Variants in CDK11B observed in about 807,000 individuals in gnomAD.
The protein encoded by CDK11B is cyclin dependent kinase 11B.
A neutral mutation model predicts 84.0 loss-of-function variants in CDK11B; 37 were observed. That is an observed-to-expected ratio of 0.44 (90% confidence interval 0.34 to 0.58). The LOEUF is 0.58. CDK11B is among the 20% of genes least tolerant of loss of function. The probability of loss-of-function intolerance (pLI) is 0.02; values close to 1 mark genes in which losing one functional copy is unlikely to be tolerated. For synonymous variants in CDK11B, 269 were observed against 309.8 expected (o/e 0.87, Z 1.38); for missense variants, 427 against 834.0 (o/e 0.51, Z 6.01).
At position 1,636,732 on chromosome 1, in the gene CDK11B, G is replaced by A. The variant is rs1445209438; in HGVS notation, c.1867C>T (p.Pro623Ser). Reference protein sequence around the residue: ...CIFGELLTQKPLFPGKSEIDQ... With the variant: ...CIFGELLTQKSLFPGKSEIDQ... Reference sequence around the variant, plus strand: ...ATTTCTGACTTCCCGGGGAACAGAGGCTTCTGAGTCAGCAGCTCCCCGAAG... The same window carrying A: ...ATTTCTGACTTCCCGGGGAACAGAGACTTCTGAGTCAGCAGCTCCCCGAAG... Residue 623 changes from proline (P) to serine (S), a missense_variant, in exon 17 of 20, where the codon CCT becomes TCT. Pro to Ser is a moderately conservative substitution (Grantham distance 74). Coordinates refer to ENST00000341832, the MANE Select transcript of CDK11B (RefSeq NM_033486.3). 3 of 1,613,968 alleles carry A rather than the reference G, an allele frequency of 1.9e-6. No individual in the cohort carries two copies. The highest frequency in any genetic ancestry group is 2.5e-6 in the Non-Finnish European group (3 of 1,179,862).
intron 5 of CDK11B, chr1:1,646,017 A>T (rs767080072): frequency 2.1e-6 from 1 of 485,624 alleles, no homozygotes; most frequent in South Asian, 1.5e-5. Context: ...TTTTGTAGAG[A>T]CAGGGTTTCA....
intron 1 of CDK11B, among the ~76,000 whole-genome samples, chr1:1,657,887 A>G (rs1345225954): frequency 7.1e-6 from 1 of 140,530 alleles, no homozygotes; most frequent in Non-Finnish European, 1.5e-5. Context: ...CCTAGATAAC[A>G]AAGTAAGACT....
At chr1:1,658,033 G>C (rs2101048907) in intron 1 of CDK11B, among the ~76,000 whole-genome samples, 1 of 149,728 alleles carries the variant, frequency 6.7e-6, no homozygotes, top group South Asian at 2.1e-4. Flanking sequence ...ACTTAGCTGG[G>C]CGTGGTGGCG....
Position 1,655,322 on chromosome 1 carries a change from C to A in CDK11B, c.227+47G>T, listed in dbSNP as rs377477067. 9.0e-5 allele frequency: 144 copies of A among 1,598,376 alleles called. No homozygotes were observed. The African/African-American group carries it at 1.8e-3, about 20-fold the overall frequency. On this transcript the variant is annotated intron_variant, in intron 3 of 19. Coordinates refer to ENST00000341832, the MANE Select transcript of CDK11B (RefSeq NM_033486.3). Reference sequence around the variant, plus strand: ...GCGACCCTAGGAAGGACCGGCCAGGCCAGGGCTGTGTACAGCTGGGTCTTG... The same window carrying A: ...GCGACCCTAGGAAGGACCGGCCAGGACAGGGCTGTGTACAGCTGGGTCTTG...
intron 5 of CDK11B, among the ~76,000 whole-genome samples, chr1:1,649,015 C>T (rs1034426447): frequency 6.6e-6 from 1 of 152,174 alleles, no homozygotes; most frequent in African/African-American, 2.4e-5. Flanking sequence ...AGTGAAAACT[C>T]ACTCCCTCAG....
chr1:1,637,715 C>A (rs776468202), intron 13 of CDK11B, 47 bp downstream of exon 13: 1 of 1,613,570 alleles, frequency 6.2e-7, no homozygotes, highest in Non-Finnish European at 8.5e-7. Flanking sequence ...GGGGCCCTGT[C>A]AGAAAAGCCT....
In CDK11B at chr1:1,636,723, G is replaced by A. The variant is rs867526990; in HGVS notation, c.1876C>T (p.Pro626Ser). ...GELLTQKPLF[P>S]GKSEIDQINK... ...ATCTGATCGATTTCTGACTTCCCGG[G>A]GAACAGAGGCTTCTGAGTCAGCAGC... Residue 626 changes from proline (P) to serine (S), a missense_variant, in exon 17 of 20, where the codon CCC becomes TCC. Transcript: ENST00000341832. 6.2e-7 allele frequency: 1 copy of A among 1,613,988 alleles called. No individual in the cohort carries two copies. The highest frequency in any genetic ancestry group is 8.5e-7 in the Non-Finnish European group (1 of 1,179,876).
In CDK11B at chr1:1,645,180, CCTT is replaced by C; in HGVS notation, c.574_576del (p.Lys192del). 2 of 796,500 alleles carry C rather than the reference CCTT, an allele frequency of 2.5e-6. No homozygotes were observed. The highest frequency in any genetic ancestry group is 1.4e-5 in the South Asian group (1 of 69,500). The allele number at this position is 796,500 out of a possible 1,614,324, so 49.3% of individuals were successfully genotyped here. On this transcript the variant is annotated inframe_deletion, in exon 6 of 20. Coordinates refer to ENST00000341832, the MANE Select transcript of CDK11B (RefSeq NM_033486.3). ...CGCTCCTCTGCCCGCCGCTCGCGCTCCTTCTGCTCCCGCTGCTCCTTCTGCTGC... is the reference window on the plus strand; with the variant it reads ...CGCTCCTCTGCCCGCCGCTCGCGCTCCTGCTCCCGCTGCTCCTTCTGCTGC...
chr1:1,636,788 G>C lies in CDK11B; in HGVS notation c.1811C>G (p.Thr604Arg). 3 of 1,613,904 alleles carry C rather than the reference G, an allele frequency of 1.9e-6. No homozygotes were observed. The highest frequency in any genetic ancestry group is 2.5e-6 in the Non-Finnish European group (3 of 1,179,864). ...ACCCACTGACCACATGTCCACGGCC[G>C]TGGAGTATTCCTAAGAGGTCAGGAG... ...ELLLGAKEYS[T>R]AVDMWSVGCI... Residue 604 changes from threonine (T) to arginine (R), a missense_variant, in exon 17 of 20, where the codon ACG becomes AGG. Physicochemically the swap from Thr to Arg is moderately conservative, Grantham distance 71 (BLOSUM62 -1). Around this residue, in one of 12 missense-constraint regions of CDK11B, gnomAD observed 170 missense variants for 196.0 expected, o/e 0.87. Coordinates refer to ENST00000341832, the MANE Select transcript of CDK11B (RefSeq NM_033486.3).
chr1:1,650,653 C>G (rs1641884986), intron 4 of CDK11B, among the ~76,000 whole-genome samples: 1 of 142,290 alleles, frequency 7.0e-6, no homozygotes, highest in African/African-American at 2.6e-5. Context: ...TTGTGAGCCA[C>G]CGCGCCCGGC....
chr1:1,649,412 T>G, intron 5 of CDK11B, 87 bp downstream of exon 5: 1 of 1,060,086 alleles, frequency 9.4e-7, no homozygotes, highest in Non-Finnish European at 1.4e-6. Context: ...AGATGTGACT[T>G]CTATTGCCAA....
At chr1:1,656,546 T>A (rs1409746098) in intron 2 of CDK11B, among the ~76,000 whole-genome samples, 1 of 151,976 alleles carries the variant, frequency 6.6e-6, no homozygotes, top group Non-Finnish European at 1.5e-5. Flanking sequence ...TCCCAGCACT[T>A]TGGGAGGCCG....
At chr1:1,656,178 T>C (rs1189792464) in intron 2 of CDK11B, among the ~76,000 whole-genome samples, 5 of 151,986 alleles carry the variant, frequency 3.3e-5, no homozygotes, top group Non-Finnish European at 5.9e-5. Context: ...TTTTTTGGTT[T>C]CCCAACGCAT....
chr1:1,658,931 T>TGCCGCC lies in CDK11B; in HGVS notation c.-37_-32dup, dbSNP rs532220148. The TGCCGCC allele has an allele frequency of 1.2e-4, 24 of 195,578 alleles. 1 individual carries two copies. Among genetic ancestry groups the TGCCGCC allele is most frequent in the South Asian group, 2.0e-4 (3 of 14,894 alleles). 12.1% of individuals were successfully genotyped at this position (195,578 alleles called of 1,614,324 possible). The stretch of plus-strand genomic sequence containing the variant: ...GAACTCACCCCTACGCCGCCGCCGC[T>TGCCGCC]GCCGCCGCCGCCGCCGCCGGTCCCG... On this transcript the variant is annotated 5_prime_UTR_variant, in exon 1 of 20. Transcript: ENST00000341832.
At chr1:1,650,303 GTAAATATTTAAA>G (rs1641805559) in intron 4 of CDK11B, among the ~76,000 whole-genome samples, 5 of 133,908 alleles carry the variant, frequency 3.7e-5, no homozygotes, top group Non-Finnish European at 8.0e-5. Flanking sequence ...ATCAAGAACA[GTAAATATTTAAA>G]TAAATATTTA....
intron 3 of CDK11B, among the ~76,000 whole-genome samples, chr1:1,654,672 T>C (rs918306613): frequency 3.3e-5 from 5 of 151,762 alleles, no homozygotes; most frequent in Admixed American, 2.0e-4. Context: ...CTTTTTTTTT[T>C]TTTAGAGGCG....
intron 3 of CDK11B, among the ~76,000 whole-genome samples, chr1:1,654,904 C>T (rs922490811): frequency 4.1e-5 from 6 of 145,194 alleles, no homozygotes; most frequent in Non-Finnish European, 7.6e-5. Flanking sequence ...GTGATCCGCC[C>T]ACCTCGGCCT....
rs375076834 is a variant in CDK11B at position 1,645,098 on chromosome 1, G to A, written c.631+28C>T. 472 of 896,292 alleles carry A rather than the reference G, an allele frequency of 5.3e-4. 3 individuals are homozygous for A. The African/African-American group carries it at 0.01, about 19-fold the overall frequency. The allele number at this position is 896,292 out of a possible 1,614,324, so 55.5% of individuals were successfully genotyped here. On this transcript the variant is annotated intron_variant, in intron 6 of 19. Coordinates refer to ENST00000341832, the MANE Select transcript of CDK11B (RefSeq NM_033486.3). The stretch of plus-strand genomic sequence containing the variant: ...GGGGGCAGCAGACACGCGTCCCGCC[G>A]AGCACAGCTGCCCACCGCGCCGCCT...
intron 11 of CDK11B, among the ~76,000 whole-genome samples, chr1:1,639,103 G>A (rs2100714880): frequency 6.6e-6 from 1 of 151,640 alleles, no homozygotes; most frequent in African/African-American, 2.4e-5. Flanking sequence ...ACCACGCCAG[G>A]CTAATTTTTG....
Sources: allele counts gnomAD v4.1 joint callset (sites outside exome capture counted in the v4.1 genomes callset), GRCh38; gene constraint gnomAD v4.1.1; regional missense constraint gnomAD v4.1.1; transcripts MANE v1.5; gene names NCBI Gene and HGNC (gene_info 2026-07-23, HGNC 2026-07-21).